Variants in TSPAN12 observed in about 807,000 individuals in gnomAD.
TSPAN12 encodes tetraspanin-12.
A neutral mutation model predicts 39.2 loss-of-function variants in TSPAN12; 19 were observed. That is an observed-to-expected ratio of 0.49 (90% confidence interval 0.34 to 0.71). The LOEUF is 0.71. Ranked by LOEUF, TSPAN12 falls within the 30% of genes least tolerant of loss-of-function variation. The probability of loss-of-function intolerance (pLI) is 0.01; values close to 1 mark genes in which losing one functional copy is unlikely to be tolerated. For missense variants in TSPAN12, 314 were observed against 359.9 expected, an observed-to-expected ratio of 0.87 and a Z score of 1.03; for synonymous variants, 119 against 124.8, an observed-to-expected ratio of 0.95 and a Z score of 0.31.
chr7:120,819,280 C>T (rs189919635), intron 4 of TSPAN12, among the ~76,000 whole-genome samples: 107 of 152,120 alleles, frequency 7.0e-4, no homozygotes, highest in African/African-American at 2.3e-3. Context: ...ATTTCTTGAC[C>T]GGTTTTATAA....
At chr7:120,805,909 C>G (rs190616010) in intron 7 of TSPAN12, among the ~76,000 whole-genome samples, 1 of 152,114 alleles carries the variant, frequency 6.6e-6, no homozygotes, top group Admixed American at 6.6e-5. Flanking sequence ...TGAAAATAAT[C>G]AGTAAAAATG....
intron 4 of TSPAN12, among the ~76,000 whole-genome samples, chr7:120,828,022 T>C (rs1443579438): frequency 6.6e-6 from 1 of 152,170 alleles, no homozygotes; most frequent in Non-Finnish European, 1.5e-5. Context: ...GACATCTAGA[T>C]TAATAGAATT....
At chr7:120,803,563 C>T (rs1250600927) in intron 7 of TSPAN12, among the ~76,000 whole-genome samples, 1 of 152,142 alleles carries the variant, frequency 6.6e-6, no homozygotes, top group African/African-American at 2.4e-5. Flanking sequence ...CATATAATTG[C>T]ATACTGTATA....
chr7:120,836,443 T>C (rs567900208), intron 4 of TSPAN12, among the ~76,000 whole-genome samples: 2 of 152,174 alleles, frequency 1.3e-5, no homozygotes, highest in South Asian at 4.1e-4. Context: ...CAGCAATGCA[T>C]AAAAAGATGC....
intron 4 of TSPAN12, among the ~76,000 whole-genome samples, chr7:120,816,615 G>C (rs1451195119): frequency 6.6e-6 from 1 of 152,094 alleles, no homozygotes; most frequent in African/African-American, 2.4e-5. Context: ...AAAGAGGAAT[G>C]AGAAGAGATC....
At chr7:120,792,063 G>A (rs921374099) in intron 7 of TSPAN12, among the ~76,000 whole-genome samples, 13 of 152,128 alleles carry the variant, frequency 8.5e-5, no homozygotes, top group African/African-American at 2.4e-4. Context: ...GTTTATTCAC[G>A]AAAAGCTGCT....
intron 6 of TSPAN12, among the ~76,000 whole-genome samples, chr7:120,809,575 C>T (rs1375881494): frequency 6.6e-6 from 1 of 152,096 alleles, no homozygotes; most frequent in South Asian, 2.1e-4. Flanking sequence ...CTATCTATCA[C>T]GTAAGACACT....
At chr7:120,836,287 G>T (rs1794474990) in intron 4 of TSPAN12, among the ~76,000 whole-genome samples, 1 of 152,164 alleles carries the variant, frequency 6.6e-6, no homozygotes, top group Non-Finnish European at 1.5e-5. Flanking sequence ...TAGCAAGAAG[G>T]AAGCTGTGTT....
At chr7:120,799,860 AATATG>A (rs1259941228) in intron 7 of TSPAN12, among the ~76,000 whole-genome samples, 4 of 140,036 alleles carry the variant, frequency 2.9e-5, no homozygotes, top group Admixed American at 7.6e-5. Flanking sequence ...TTTAATAATT[AATATG>A]ATATATTACT....
chr7:120,788,560 A>T lies in TSPAN12; in HGVS notation c.*32T>A, dbSNP rs760425743. 4 of 1,613,374 alleles carry T rather than the reference A, an allele frequency of 2.5e-6. No individual in the cohort carries two copies. The African/African-American group carries it at 5.3e-5, about 22-fold the overall frequency. ...CAAAAATTCACAAGTCCAGTAAAAC[A>T]AGTTTGTGGTTTTCTTCTGTGACAT... On this transcript the variant is annotated 3_prime_UTR_variant, in exon 8 of 8. Coordinates refer to ENST00000222747, the MANE Select transcript of TSPAN12 (RefSeq NM_012338.4).
At chr7:120,810,601 G>A (rs373314103) in intron 5 of TSPAN12, 31 bp from the exon 6 acceptor site, 2 of 1,169,750 alleles carry the variant, frequency 1.7e-6, no homozygotes, top group African/African-American at 1.6e-5. Context: ...ATCAACAGCT[G>A]TAGCTCACAC....
chr7:120,828,097 T>TATTC (rs1216144306), intron 4 of TSPAN12, among the ~76,000 whole-genome samples: 1 of 152,214 alleles, frequency 6.6e-6, no homozygotes, highest in Non-Finnish European at 1.5e-5. Flanking sequence ...TGAGTACCTT[T>TATTC]ATTCGCTCAT....
intron 2 of TSPAN12, among the ~76,000 whole-genome samples, chr7:120,844,205 C>T (rs1250562760): frequency 6.6e-6 from 1 of 152,158 alleles, no homozygotes; most frequent in Non-Finnish European, 1.5e-5. Context: ...CAATCACCTC[C>T]CACCAGGTCA....
chr7:120,789,014 A>C (rs1233928548), intron 7 of TSPAN12, 117 bp from the exon 8 acceptor site: 1 of 1,040,498 alleles, frequency 9.6e-7, no homozygotes, highest in East Asian at 2.5e-5. Flanking sequence ...GGGATCATAA[A>C]GTTTAAGACA....
At chr7:120,842,608 G>A (rs1185728803) in intron 2 of TSPAN12, among the ~76,000 whole-genome samples, 1 of 151,934 alleles carries the variant, frequency 6.6e-6, no homozygotes, top group Non-Finnish European at 1.5e-5. Context: ...AAACAGGCAT[G>A]GTATGTTTCA....
At chr7:120,804,932 G>C (rs1414188596) in intron 7 of TSPAN12, among the ~76,000 whole-genome samples, 1 of 152,050 alleles carries the variant, frequency 6.6e-6, no homozygotes, top group African/African-American at 2.4e-5. Context: ...CCAGAAGCTA[G>C]GGGAGAAGCA....
Position 120,853,869 on chromosome 7 carries a change from T to TC in TSPAN12, c.66+2828dup, listed in dbSNP as rs1170822126. On this transcript the variant is annotated intron_variant, in intron 2 of 7. Coordinates refer to ENST00000222747, the MANE Select transcript of TSPAN12 (RefSeq NM_012338.4). ...AGCCTGGTGACAGAGTGAGACTCCG[T>TC]CCCAAAAAAAAAAAAAAAAGAAAAG... Among the ~76,000 whole-genome samples, 39 of 127,670 alleles carry TC rather than the reference T, an allele frequency of 3.1e-4. No homozygotes were observed. The Admixed American group carries it at 3.2e-3, about 11-fold the overall frequency. The allele number at this position is 127,670 out of a possible 152,430, so 83.8% of individuals were successfully genotyped here.
chr7:120,828,288 A>G (rs1323577908), intron 4 of TSPAN12, among the ~76,000 whole-genome samples: 1 of 152,220 alleles, frequency 6.6e-6, no homozygotes, highest in Non-Finnish European at 1.5e-5. Context: ...TACCAGGGAT[A>G]CATAGCAAAA....
chr7:120,851,060 T>C (rs78343620), intron 2 of TSPAN12, among the ~76,000 whole-genome samples: 10,041 of 152,282 alleles, frequency 0.066, 666 homozygotes, highest in East Asian at 0.32. Context: ...GGCTTTCCAC[T>C]ATTCCTTAGG....
Sources: allele counts gnomAD v4.1 joint callset (sites outside exome capture counted in the v4.1 genomes callset), GRCh38; gene constraint gnomAD v4.1.1; transcripts MANE v1.5; gene names NCBI Gene and HGNC (gene_info 2026-07-23, HGNC 2026-07-21).